SNTG1: variants seen among roughly 807,000 people sequenced by gnomAD.
SNTG1 encodes syntrophin gamma 1.
In SNTG1, 39 loss-of-function variants were observed where a neutral mutation model predicts 74.7. The observed-to-expected ratio is 0.52, with a 90% confidence interval of 0.40 to 0.68. The LOEUF is 0.68. Ranked by LOEUF, SNTG1 falls within the 30% of genes least tolerant of loss-of-function variation. SNTG1 has a pLI of 0.00. For missense variants in SNTG1, 685 were observed against 609.5 expected (o/e 1.12, Z -1.30); for synonymous variants, 254 against 217.1 (o/e 1.17, Z -1.49).
At chr8:50,593,277 G>T (rs1405243511) in intron 13 of SNTG1, among the ~76,000 whole-genome samples, 1 of 152,076 alleles carries the variant, frequency 6.6e-6, no homozygotes, top group Non-Finnish European at 1.5e-5. Flanking sequence ...GCTAAGATTA[G>T]CTCCACATGA....
At chr8:50,437,325 G>A (rs1156553516) in intron 4 of SNTG1, among the ~76,000 whole-genome samples, 1 of 152,050 alleles carries the variant, frequency 6.6e-6, no homozygotes, top group Non-Finnish European at 1.5e-5. Context: ...ATTCTGGTAT[G>A]GCAATCTTGT....
At chr8:50,695,826 T>A (rs73569491) in intron 15 of SNTG1, among the ~76,000 whole-genome samples, 2,239 of 151,550 alleles carry the variant, frequency 0.015, 52 homozygotes, top group African/African-American at 0.051. Context: ...GGATGAGTAG[T>A]ATTGAATTAT....
intron 13 of SNTG1, among the ~76,000 whole-genome samples, chr8:50,605,086 G>C (rs752306801): frequency 1.3e-5 from 2 of 152,128 alleles, no homozygotes; most frequent in Non-Finnish European, 2.9e-5. Flanking sequence ...CCTGTGCCCT[G>C]TCCTATTATG....
intron 1 of SNTG1, among the ~76,000 whole-genome samples, chr8:50,045,258 T>A (rs957114247): frequency 6.6e-6 from 1 of 152,194 alleles, no homozygotes; most frequent in African/African-American, 2.4e-5. Context: ...GCTCATTTTT[T>A]CTGCAGGTTG....
chr8:50,395,005 A>G (rs545719622), intron 3 of SNTG1, among the ~76,000 whole-genome samples: 5 of 152,250 alleles, frequency 3.3e-5, no homozygotes, highest in East Asian at 1.9e-4. Flanking sequence ...AAAACCAACC[A>G]TAACTGCTTA....
At chr8:49,934,287 CTAT>C in intron 1 of SNTG1, among the ~76,000 whole-genome samples, 1 of 43,928 alleles carries the variant, frequency 2.3e-5, no homozygotes, top group Non-Finnish European at 5.4e-5. Context: ...ATAGATCTAT[CTAT>C]CTATCTATCT....
At chr8:49,945,534 T>C (rs1809099363) in intron 1 of SNTG1, among the ~76,000 whole-genome samples, 1 of 152,194 alleles carries the variant, frequency 6.6e-6, no homozygotes, top group East Asian at 1.9e-4. Flanking sequence ...ACAATAAGCT[T>C]GAAACAAGCC....
At chr8:49,962,975 G>A (rs945701618) in intron 1 of SNTG1, among the ~76,000 whole-genome samples, 1 of 152,162 alleles carries the variant, frequency 6.6e-6, no homozygotes, top group East Asian at 1.9e-4. Flanking sequence ...GTACAGCCAG[G>A]GATCCACGAC....
chr8:50,263,044 T>C (rs1267838500), intron 2 of SNTG1, among the ~76,000 whole-genome samples: 1 of 152,164 alleles, frequency 6.6e-6, no homozygotes, highest in Non-Finnish European at 1.5e-5. Context: ...GGTGGATACA[T>C]GTCATTATAC....
At chr8:50,039,317 T>C (rs1156458749) in intron 1 of SNTG1, among the ~76,000 whole-genome samples, 1 of 151,722 alleles carries the variant, frequency 6.6e-6, no homozygotes, top group Non-Finnish European at 1.5e-5. Flanking sequence ...TAGCGGGGCA[T>C]GGTGGCGGGC....
At chr8:50,291,130 C>T (rs1252358097) in intron 2 of SNTG1, among the ~76,000 whole-genome samples, 1 of 151,986 alleles carries the variant, frequency 6.6e-6, no homozygotes. Flanking sequence ...GCAATCTTGT[C>T]GGCCTTGAAG....
At chr8:50,167,574 A>G (rs2082665742) in intron 1 of SNTG1, among the ~76,000 whole-genome samples, 1 of 151,246 alleles carries the variant, frequency 6.6e-6, no homozygotes, top group African/African-American at 2.4e-5. Context: ...TGGCAGGCAG[A>G]TTGCTTGAGC....
chr8:50,444,040 A>G lies in SNTG1; in HGVS notation c.219+5441A>G, dbSNP rs560696709. 7.9e-5 allele frequency among the ~76,000 whole-genome samples: 12 copies of G among 152,234 alleles called. No individual in the cohort carries two copies. In the East Asian group the frequency reaches 2.3e-3, roughly 29 times the overall value. ...GTAGTCTCAGCTACTTGGGAGGCTG[A>G]GACAGGAGAATCACTTGAACCGGGG... On this transcript the variant is annotated intron_variant, in intron 5 of 18. Transcript: ENST00000642720.
At chr8:50,528,517 T>G (rs1298980435) in intron 9 of SNTG1, among the ~76,000 whole-genome samples, 1 of 151,988 alleles carries the variant, frequency 6.6e-6, no homozygotes, top group African/African-American at 2.4e-5. Context: ...TACTTGGTCA[T>G]GATGTGATAT....
intron 15 of SNTG1, among the ~76,000 whole-genome samples, chr8:50,682,615 C>A (rs1193718153): frequency 1.3e-5 from 2 of 152,150 alleles, no homozygotes; most frequent in South Asian, 4.1e-4. Context: ...ACTGGTTATC[C>A]TCAGCCCTCA....
intron 1 of SNTG1, among the ~76,000 whole-genome samples, chr8:50,003,747 G>T (rs1040273757): frequency 6.6e-6 from 1 of 152,072 alleles, no homozygotes; most frequent in Non-Finnish European, 1.5e-5. Flanking sequence ...ATGTGTTAAT[G>T]CCTCTAGGGG....
At chr8:49,929,149 T>A (rs1807319250) in intron 1 of SNTG1, among the ~76,000 whole-genome samples, 1 of 152,216 alleles carries the variant, frequency 6.6e-6, no homozygotes, top group South Asian at 2.1e-4. Context: ...AACATTTATT[T>A]AAAAGTTAGT....
At chr8:50,450,006 A>G (rs1029400983) in intron 6 of SNTG1, among the ~76,000 whole-genome samples, 1 of 152,222 alleles carries the variant, frequency 6.6e-6, no homozygotes, top group African/African-American at 2.4e-5. Context: ...CATTAAACCA[A>G]CAAAGATACA....
At chr8:50,131,787 C>T (rs1245059863) in intron 1 of SNTG1, among the ~76,000 whole-genome samples, 1 of 151,848 alleles carries the variant, frequency 6.6e-6, no homozygotes, top group Non-Finnish European at 1.5e-5. Context: ...ATGATTGTAC[C>T]AATTTACGTT....
Sources: allele counts gnomAD v4.1 joint callset (sites outside exome capture counted in the v4.1 genomes callset), GRCh38; gene constraint gnomAD v4.1.1; transcripts MANE v1.5; gene names NCBI Gene and HGNC (gene_info 2026-07-23, HGNC 2026-07-21).